The following CFAP299 variants were observed in gnomAD, a reference collection of about 807,000 sequenced individuals.
CFAP299 encodes cilia- and flagella-associated protein 299.
A neutral mutation model predicts 27.0 loss-of-function variants in CFAP299; 21 were observed. That is an observed-to-expected ratio of 0.78 (90% CI 0.55 to 1.12). The LOEUF (loss-of-function observed/expected upper bound fraction) is 1.12, where lower values mean the gene tolerates loss of function less well. Among genes scored for constraint, CFAP299 ranks in the 50% most tolerant of loss-of-function variants. CFAP299 has a pLI of 0.00. For synonymous variants in CFAP299, 104 were observed against 98.1 expected, an observed-to-expected ratio of 1.06 and a Z score of -0.36; for missense variants, 310 against 276.6, an observed-to-expected ratio of 1.12 and a Z score of -0.86.
At chr4:80,330,044 C>T in the CFAP299 span, among the ~76,000 whole-genome samples, 124,987 of 152,116 alleles carry the variant, frequency 0.82, 51,510 homozygotes, top group African/African-American at 0.89. Context: ...ACCAACCATG[C>T]CATTGTATTT....
chr4:80,831,477 AC>A (rs1199006418), intron 3 of CFAP299, among the ~76,000 whole-genome samples: 1 of 152,128 alleles, frequency 6.6e-6, no homozygotes, highest in Non-Finnish European at 1.5e-5. Context: ...CCTATGAGCA[AC>A]CATTATATTC....
chr4:80,597,809 CT>C (rs1737137210), intron 3 of CFAP299, among the ~76,000 whole-genome samples: 1 of 152,106 alleles, frequency 6.6e-6, no homozygotes, highest in Non-Finnish European at 1.5e-5. Flanking sequence ...GCCTCAGCCT[CT>C]TGAGTAGCTG....
intron 5 of CFAP299, among the ~76,000 whole-genome samples, chr4:80,957,554 G>T (rs1302723759): frequency 2.6e-5 from 4 of 152,024 alleles, no homozygotes; most frequent in Non-Finnish European, 4.4e-5. Context: ...CATAAAAAAG[G>T]AATAAACAGA....
At chr4:80,818,176 A>G (rs1163873300) in intron 3 of CFAP299, among the ~76,000 whole-genome samples, 1 of 152,208 alleles carries the variant, frequency 6.6e-6, no homozygotes, top group Admixed American at 6.5e-5. Flanking sequence ...TGCAAAGGAC[A>G]TGATCTCATT....
At chr4:80,587,404 CATCTT>C (rs1164900132) in intron 3 of CFAP299, among the ~76,000 whole-genome samples, 1 of 152,026 alleles carries the variant, frequency 6.6e-6, no homozygotes, top group Non-Finnish European at 1.5e-5. Flanking sequence ...GTTATGGAGT[CATCTT>C]ATCTGAGTTT....
chr4:80,938,202 GC>G (rs1285182285), intron 4 of CFAP299, among the ~76,000 whole-genome samples: 1 of 151,972 alleles, frequency 6.6e-6, no homozygotes, highest in African/African-American at 2.4e-5. Context: ...TTGGGAACAG[GC>G]CCCCCAAAAT....
At chr4:80,784,195 A>G (rs572414096) in intron 3 of CFAP299, among the ~76,000 whole-genome samples, 1 of 152,326 alleles carries the variant, frequency 6.6e-6, no homozygotes, top group East Asian at 1.9e-4. Flanking sequence ...AAAGTGGTGT[A>G]GATATACTCC....
intron 2 of CFAP299, among the ~76,000 whole-genome samples, chr4:80,439,897 T>G (rs1438699121): frequency 2.6e-5 from 4 of 151,886 alleles, no homozygotes; most frequent in Non-Finnish European, 5.9e-5. Context: ...GAGGCTTGAG[T>G]AAGTGGTTTT....
At chr4:80,478,181 T>A (rs1730375414) in intron 2 of CFAP299, among the ~76,000 whole-genome samples, 1 of 152,186 alleles carries the variant, frequency 6.6e-6, no homozygotes, top group South Asian at 2.1e-4. Flanking sequence ...GTGTATTGTA[T>A]GCCAACTTTT....
intron 3 of CFAP299, among the ~76,000 whole-genome samples, chr4:80,836,812 T>A (rs1730585381): frequency 6.6e-6 from 1 of 152,140 alleles, no homozygotes; most frequent in Non-Finnish European, 1.5e-5. Context: ...CTAGGAGATT[T>A]TAAGGTTTCA....
chr4:80,510,588 G>T, intron 2 of CFAP299, among the ~76,000 whole-genome samples: 1 of 152,058 alleles, frequency 6.6e-6, no homozygotes, highest in East Asian at 1.9e-4. Flanking sequence ...GAGCATTCCC[G>T]CAACAGTACA....
At chr4:80,374,263 G>A (rs929531475) in intron 2 of CFAP299, among the ~76,000 whole-genome samples, 2 of 152,088 alleles carry the variant, frequency 1.3e-5, no homozygotes, top group African/African-American at 4.8e-5. Context: ...TAGTCTTGTT[G>A]GTACAAGTCC....
chr4:80,516,434 C>T (rs563750318), intron 2 of CFAP299, among the ~76,000 whole-genome samples: 1 of 152,232 alleles, frequency 6.6e-6, no homozygotes, highest in African/African-American at 2.4e-5. Context: ...GCATCTGCTT[C>T]TGGTGACAGC....
At chr4:80,701,683 G>A (rs952105754) in intron 3 of CFAP299, among the ~76,000 whole-genome samples, 1 of 151,708 alleles carries the variant, frequency 6.6e-6, no homozygotes, top group Non-Finnish European at 1.5e-5. Context: ...AGTGTTGGTG[G>A]GCTTTAAAAT....
chr4:80,606,197 T>C (rs886423596), intron 3 of CFAP299, among the ~76,000 whole-genome samples: 2 of 152,226 alleles, frequency 1.3e-5, no homozygotes, highest in African/African-American at 4.8e-5. Flanking sequence ...GAGTCTCTTA[T>C]AAGTCTTTTC....
At chr4:80,799,854 TAA>T (rs1218306712) in intron 3 of CFAP299, among the ~76,000 whole-genome samples, 2 of 35,038 alleles carry the variant, frequency 5.7e-5, no homozygotes, top group African/African-American at 2.8e-4. Flanking sequence ...ATATAATATA[TAA>T]ATATATATTA....
chr4:80,374,084 G>A (rs1724285173), intron 2 of CFAP299, among the ~76,000 whole-genome samples: 1 of 152,070 alleles, frequency 6.6e-6, no homozygotes, highest in South Asian at 2.1e-4. Context: ...GCTTGTTCCA[G>A]GTTTCTTGGA....
At chr4:80,861,833 G>A (rs1207345776) in intron 3 of CFAP299, among the ~76,000 whole-genome samples, 3 of 152,074 alleles carry the variant, frequency 2.0e-5, no homozygotes, top group Admixed American at 2.0e-4. Flanking sequence ...CATCTTTTCT[G>A]TATAAATATT....
intron 2 of CFAP299, among the ~76,000 whole-genome samples, chr4:80,425,651 A>C (rs1253040669): frequency 6.6e-6 from 1 of 152,260 alleles, no homozygotes; most frequent in Non-Finnish European, 1.5e-5. Context: ...ACTTGCCTTT[A>C]GCAAGCCTCC....
Sources: gnomAD v4.1 joint callset for allele counts (sites outside exome capture counted in the v4.1 genomes callset) on GRCh38, gnomAD v4.1.1 for gene constraint, MANE v1.5 for transcripts, NCBI Gene and HGNC (gene_info 2026-07-23, HGNC 2026-07-21) for gene names.